The following LGALS8 variants were observed in gnomAD, a reference collection of about 807,000 sequenced individuals.
The protein encoded by LGALS8 is galectin 8, also known as galectin-8.
LGALS8 carries 30 observed loss-of-function variants against 35.9 expected under a neutral mutation model. The observed-to-expected ratio is 0.83, with a 90% confidence interval of 0.62 to 1.13. The LOEUF is 1.13. LGALS8 is among the 50% of genes most tolerant of loss of function. The pLI is 0.00. For synonymous variants in LGALS8, 138 were observed against 136.1 expected, an observed-to-expected ratio of 1.01 and a Z score of -0.10; for missense variants, 366 against 388.7, an observed-to-expected ratio of 0.94 and a Z score of 0.49.
intron 2 of LGALS8, among the ~76,000 whole-genome samples, chr1:236,533,576 T>C (rs1203982244): frequency 1.3e-5 from 2 of 152,070 alleles, no homozygotes; most frequent in African/African-American, 4.8e-5. Context: ...TCAAGTGATC[T>C]GCCCACCTTC....
At chr1:236,533,001 T>C (rs1372551996) in intron 2 of LGALS8, among the ~76,000 whole-genome samples, 3 of 152,218 alleles carry the variant, frequency 2.0e-5, no homozygotes, top group Non-Finnish European at 4.4e-5. Flanking sequence ...CCTTATCGTT[T>C]CACGCCAGGC....
At position 236,548,191 on chromosome 1, in the gene LGALS8, A is replaced by C. The variant is rs1161479634; in HGVS notation, c.*30A>C. 1.3e-6 allele frequency: 2 copies of C among 1,596,828 alleles called. No homozygotes were observed. Among genetic ancestry groups the C allele is most frequent in the Admixed American group, 1.7e-5 (1 of 58,186 alleles). On this transcript the variant is annotated 3_prime_UTR_variant, in exon 10 of 10. Coordinates refer to ENST00000366584, the MANE Select transcript of LGALS8 (RefSeq NM_201544.4). ...CCTACACAGCTGCTACAAAAACCAA[A>C]ATACAGAATGGCTTCTGTGATACTG...
intron 2 of LGALS8, among the ~76,000 whole-genome samples, chr1:236,528,546 A>ATTTT (rs61261486): frequency 0.01 from 1,085 of 104,162 alleles, 43 homozygotes; most frequent in African/African-American, 0.038. Flanking sequence ...AATGTTTCCA[A>ATTTT]TTTTTTTTTT....
chr1:236,549,077 C>G lies in LGALS8; in HGVS notation c.*916C>G, dbSNP rs1009570791. 7.5e-6 allele frequency: 3 copies of G among 398,208 alleles called. No individual in the cohort carries two copies. Among genetic ancestry groups the G allele is most frequent in the Admixed American group, 4.4e-5 (1 of 22,710 alleles). 24.7% of individuals were successfully genotyped at this position (398,208 alleles called of 1,614,324 possible). A position where few individuals can be genotyped will look rare whatever the true frequency, so the allele number is the denominator to read the frequency against. ...ACTTCAGGCATTCATAAGGCAGGCACTATCAGAAAGTGTACGCCAACTAAG... is the reference window on the plus strand; with the variant it reads ...ACTTCAGGCATTCATAAGGCAGGCAGTATCAGAAAGTGTACGCCAACTAAG... On this transcript the variant is annotated 3_prime_UTR_variant, in exon 10 of 10. Coordinates refer to ENST00000366584, the MANE Select transcript of LGALS8 (RefSeq NM_201544.4).
chr1:236,532,483 C>T (rs1217860191), intron 2 of LGALS8, among the ~76,000 whole-genome samples: 1 of 152,174 alleles, frequency 6.6e-6, no homozygotes, highest in African/African-American at 2.4e-5. Flanking sequence ...CAGATTTGCT[C>T]TCAGATGCTC....
In LGALS8 at chr1:236,550,782, G is replaced by T. The variant is rs1662694471; in HGVS notation, c.*2621G>T. The T allele has an allele frequency of 5.6e-6, 4 of 718,586 alleles. No individual in the cohort carries two copies. The highest frequency in any genetic ancestry group is 2.0e-5 in the South Asian group (1 of 50,210). 44.5% of individuals were successfully genotyped at this position (718,586 alleles called of 1,614,324 possible). A position where few individuals can be genotyped will look rare whatever the true frequency, so the allele number is the denominator to read the frequency against. Reference sequence around the variant, plus strand: ...TTTGTAAAGAAGTGATAAAACATTTGTAAGTAATCCAAGTAGGTGTATTAA... The same window carrying T: ...TTTGTAAAGAAGTGATAAAACATTTTTAAGTAATCCAAGTAGGTGTATTAA... On this transcript the variant is annotated 3_prime_UTR_variant, in exon 10 of 10. Transcript: ENST00000366584.
chr1:236,540,317 T>TA, intron 4 of LGALS8: 1 of 434,406 alleles, frequency 2.3e-6, no homozygotes, highest in Non-Finnish European at 4.0e-6. Context: ...CACATATACT[T>TA]ATGACTGCCT....
Position 236,552,230 on chromosome 1 carries a change from T to TG in LGALS8, c.*4069_*4070insG. On this transcript the variant is annotated 3_prime_UTR_variant, in exon 10 of 10. Transcript: ENST00000366584. ...CATTAGTTCACATGCGTTTATTCAC[T>TG]TCATTATGTTCATTAAGCTTTCATC... 1 of 585,104 alleles carries TG rather than the reference T, an allele frequency of 1.7e-6. No homozygotes were observed. The highest frequency in any genetic ancestry group is 3.0e-6 in the Non-Finnish European group (1 of 332,756). 36.2% of individuals were successfully genotyped at this position (585,104 alleles called of 1,614,324 possible).
intron 2 of LGALS8, among the ~76,000 whole-genome samples, chr1:236,530,539 A>G (rs1661088588): frequency 1.3e-5 from 2 of 151,956 alleles, no homozygotes; most frequent in South Asian, 4.2e-4. Flanking sequence ...ATATGTATCC[A>G]GTTCCAACCT....
chr1:236,549,088 TG>T lies in LGALS8; in HGVS notation c.*928del. The T allele has an allele frequency of 5.0e-6, 2 of 398,268 alleles. No homozygotes were observed. Among genetic ancestry groups the T allele is most frequent in the Middle Eastern group, 6.3e-4 (1 of 1,586 alleles). The allele number at this position is 398,268 out of a possible 1,614,324, so 24.7% of individuals were successfully genotyped here. A position where few individuals can be genotyped will look rare whatever the true frequency, so the allele number is the denominator to read the frequency against. ...TCATAAGGCAGGCACTATCAGAAAG[TG>T]TACGCCAACTAAGGGACCCACAAAG... On this transcript the variant is annotated 3_prime_UTR_variant, in exon 10 of 10. Coordinates refer to ENST00000366584, the MANE Select transcript of LGALS8 (RefSeq NM_201544.4).
At chr1:236,521,006 A>T (rs1211743032), upstream of LGALS8, among the ~76,000 whole-genome samples, 1 of 152,210 alleles carries the variant, frequency 6.6e-6, no homozygotes, top group African/African-American at 2.4e-5. Flanking sequence ...TTGTCACCCA[A>T]CTAAGGTTGC....
In LGALS8 at chr1:236,549,773, C is replaced by G. The variant is rs764155347; in HGVS notation, c.*1612C>G. 3.3e-5 allele frequency: 5 copies of G among 152,158 alleles called. No homozygotes were observed. Among genetic ancestry groups the G allele is most frequent in the Non-Finnish European group, 5.9e-5 (4 of 68,028 alleles). 9.4% of individuals were successfully genotyped at this position (152,158 alleles called of 1,614,324 possible). On this transcript the variant is annotated 3_prime_UTR_variant, in exon 10 of 10. Transcript: ENST00000366584. Reference sequence around the variant, plus strand: ...AGGCATTTAGGAAAAAAATAGCCCACTCACATCATTCCTTGTAAGTCTTAA... The same window carrying G: ...AGGCATTTAGGAAAAAAATAGCCCAGTCACATCATTCCTTGTAAGTCTTAA...
chr1:236,528,768 G>A (rs1228743228), intron 2 of LGALS8, among the ~76,000 whole-genome samples: 4 of 151,652 alleles, frequency 2.6e-5, no homozygotes, highest in Non-Finnish European at 4.4e-5. Flanking sequence ...CACTCCTCCC[G>A]CCTCGGCCTC....
Position 236,526,118 on chromosome 1 carries a change from A to T in LGALS8, c.45+3A>T. The T allele has an allele frequency of 6.3e-7, 1 of 1,598,282 alleles. No individual in the cohort carries two copies. Among genetic ancestry groups the T allele is most frequent in the South Asian group, 1.1e-5 (1 of 90,742 alleles). On this transcript the variant is annotated splice_donor_region_variant and intron_variant, in intron 2 of 9. Transcript: ENST00000366584. This position sits in a 1 kb window ranked among gnomAD's most constrained non-coding sequence, Gnocchi z 4.6. ...TACAGAATATCATCTATAACCCGGT[A>T]ACTGATTTCTATAAGATAACTTTTT... is the stretch of plus-strand genomic sequence containing the variant.
chr1:236,543,475 C>A, intron 7 of LGALS8, 85 bp from the exon 8 acceptor site: 1 of 1,011,404 alleles, frequency 9.9e-7, no homozygotes, highest in Non-Finnish European at 1.6e-6. Context: ...GGCTCTGAAA[C>A]ATTCCGTAGT....
intron 2 of LGALS8, among the ~76,000 whole-genome samples, chr1:236,527,170 T>C (rs1660860499): frequency 6.6e-6 from 1 of 152,184 alleles, no homozygotes; most frequent in Non-Finnish European, 1.5e-5. Context: ...GTGTCTGAAG[T>C]ATCATCTTGG....
chr1:236,541,195 A>G (rs1661968921), intron 5 of LGALS8: 1 of 162,980 alleles, frequency 6.1e-6, no homozygotes, highest in Non-Finnish European at 1.3e-5. Flanking sequence ...CCTGCTGTAC[A>G]GATTCACTGG....
At chr1:236,527,804 C>T (rs1000391681) in intron 2 of LGALS8, among the ~76,000 whole-genome samples, 1 of 151,720 alleles carries the variant, frequency 6.6e-6, no homozygotes, top group Non-Finnish European at 1.5e-5. Context: ...GATGCAATCT[C>T]GGCTTACTGC....
chr1:236,548,796 G>A lies in LGALS8; in HGVS notation c.*635G>A, dbSNP rs1662572187. 2 of 396,446 alleles carry A rather than the reference G, an allele frequency of 5.0e-6. No individual in the cohort carries two copies. The highest frequency in any genetic ancestry group is 7.1e-5 in the East Asian group (2 of 28,030). 24.6% of individuals were successfully genotyped at this position (396,446 alleles called of 1,614,324 possible). On this transcript the variant is annotated 3_prime_UTR_variant, in exon 10 of 10. Coordinates refer to ENST00000366584, the MANE Select transcript of LGALS8 (RefSeq NM_201544.4). ...TCATTTTCTTTATCGTAATAAACAT[G>A]TGGCTCTATTAGCTGCAAGCTTTAC...
Sources: gnomAD v4.1 joint callset for allele counts (sites outside exome capture counted in the v4.1 genomes callset) on GRCh38, gnomAD v4.1.1 for gene constraint, Gnocchi (gnomAD v3.1) non-coding constraint, MANE v1.5 for transcripts, NCBI Gene and HGNC (gene_info 2026-07-23, HGNC 2026-07-21) for gene names.